TNIK: variants seen among roughly 807,000 people sequenced by gnomAD.
TNIK encodes TRAF2 and NCK-interacting protein kinase.
In TNIK, 49 loss-of-function variants were observed where a neutral mutation model predicts 191.3. The ratio of observed to expected loss-of-function variants is 0.26; its 90% confidence interval spans 0.20 to 0.32. TNIK has a LOEUF of 0.32. TNIK is among the 10% of genes least tolerant of loss of function. The probability of loss-of-function intolerance (pLI) is 1.00; values close to 1 mark genes in which losing one functional copy is unlikely to be tolerated. For missense variants in TNIK, 1,155 were observed against 1,702.3 expected (o/e 0.68, Z 5.66); for synonymous variants, 594 against 600.9 (o/e 0.99, Z 0.17).
At chr3:171,153,066 G>A (rs1293503190) in intron 12 of TNIK, among the ~76,000 whole-genome samples, 2 of 152,078 alleles carry the variant, frequency 1.3e-5, no homozygotes, top group Admixed American at 6.5e-5. Context: ...GAGCCACTGC[G>A]CCCGGCCAAA....
chr3:171,372,012 G>A (rs542297363), intron 1 of TNIK, among the ~76,000 whole-genome samples: 15 of 152,286 alleles, frequency 9.8e-5, no homozygotes, highest in African/African-American at 3.4e-4. Flanking sequence ...GAATCAAACA[G>A]GGATGTGAGA....
rs368930909 is a variant in TNIK, at chr3:171,175,390, G to A, written c.695-60C>T. 8.5e-5 allele frequency: 124 copies of A among 1,464,618 alleles called. 1 individual carries two copies. The highest frequency in any genetic ancestry group is 7.5e-4 in the East Asian group (31 of 41,376). The allele number at this position is 1,464,618 out of a possible 1,614,324, so 90.7% of individuals were successfully genotyped here. A position where few individuals can be genotyped will look rare whatever the true frequency, so the allele number is the denominator to read the frequency against. On this transcript the variant is annotated intron_variant, in intron 8 of 32. Transcript: ENST00000436636. Reference sequence around the variant, plus strand: ...AGGAGGCCAAACCCAGGCCAAGCCCGTCTTGGCTGTGCAGATAATGGCTGC... The same window carrying A: ...AGGAGGCCAAACCCAGGCCAAGCCCATCTTGGCTGTGCAGATAATGGCTGC...
chr3:171,093,092 C>A (rs1722270642), intron 23 of TNIK, among the ~76,000 whole-genome samples: 1 of 152,124 alleles, frequency 6.6e-6, no homozygotes, highest in South Asian at 2.1e-4. Context: ...TGTTCTCAGC[C>A]ATTTCTTTCC....
intron 18 of TNIK, among the ~76,000 whole-genome samples, chr3:171,121,986 C>T (rs1449922389): frequency 6.6e-6 from 1 of 152,076 alleles, no homozygotes; most frequent in Non-Finnish European, 1.5e-5. Flanking sequence ...CTGTCTCTCA[C>T]AAAGTCAGCA....
rs925030785 is a variant in TNIK, at chr3:171,063,349, C to T, written c.*532G>A. The T allele has an allele frequency of 4.6e-5, 7 of 152,218 alleles. No individual in the cohort carries two copies. The highest frequency in any genetic ancestry group is 9.6e-5 in the African/African-American group (4 of 41,466). The allele number at this position is 152,218 out of a possible 1,614,324, so 9.4% of individuals were successfully genotyped here. A position where few individuals can be genotyped will look rare whatever the true frequency, so the allele number is the denominator to read the frequency against. On this transcript the variant is annotated 3_prime_UTR_variant, in exon 33 of 33. Transcript: ENST00000436636. ...TGAAGGCAAGAGAGTTCTTAAATTA[C>T]TCCACTATGTAGTTATGGCCTTCAG...
At chr3:171,087,616 G>A in intron 23 of TNIK, 110 bp from the exon 24 acceptor site, 2 of 1,135,994 alleles carry the variant, frequency 1.8e-6, no homozygotes, top group Non-Finnish European at 2.5e-6. Context: ...AACCCACTAG[G>A]GCATGAGAAG....
intron 18 of TNIK, among the ~76,000 whole-genome samples, chr3:171,113,237 ATTATC>A (rs1726129911): frequency 6.6e-6 from 1 of 151,606 alleles, no homozygotes; most frequent in East Asian, 1.9e-4. Context: ...ATTTTTTTTT[ATTATC>A]TTCTTGCAGG....
At chr3:171,441,439 A>T (rs573222724) in intron 1 of TNIK, among the ~76,000 whole-genome samples, 1 of 152,332 alleles carries the variant, frequency 6.6e-6, no homozygotes, top group African/African-American at 2.4e-5. Flanking sequence ...TCTTTCACTT[A>T]GCATAACATT....
chr3:171,315,037 A>C (rs916603374), intron 2 of TNIK, among the ~76,000 whole-genome samples: 2 of 151,664 alleles, frequency 1.3e-5, no homozygotes, highest in African/African-American at 2.4e-5. Context: ...ACAACCACAA[A>C]CCCCCCCTCC....
At chr3:171,251,649 ATACT>A (rs1746238884) in intron 2 of TNIK, among the ~76,000 whole-genome samples, 1 of 152,200 alleles carries the variant, frequency 6.6e-6, no homozygotes, top group African/African-American at 2.4e-5. Context: ...ACACTATTTG[ATACT>A]TAATATAAAT....
At chr3:171,110,633 C>G in intron 19 of TNIK, 81 bp downstream of exon 19, 13 of 1,475,120 alleles carry the variant, frequency 8.8e-6, no homozygotes, top group Non-Finnish European at 1.2e-5. Flanking sequence ...GGACTAGAGT[C>G]AGGAAGTAAC....
intron 2 of TNIK, among the ~76,000 whole-genome samples, chr3:171,240,087 A>G (rs973240348): frequency 1.3e-5 from 2 of 152,190 alleles, no homozygotes; most frequent in African/African-American, 4.8e-5. Context: ...ACTGTGACCT[A>G]TCAGGTAGCT....
chr3:171,296,025 A>G (rs887456194), intron 2 of TNIK, among the ~76,000 whole-genome samples: 2 of 152,178 alleles, frequency 1.3e-5, no homozygotes, highest in Admixed American at 1.3e-4. Context: ...GTTCTGTTCT[A>G]TGTACTCTAA....
At chr3:171,384,616 A>G (rs1718485217) in intron 1 of TNIK, among the ~76,000 whole-genome samples, 1 of 152,240 alleles carries the variant, frequency 6.6e-6, no homozygotes, top group Non-Finnish European at 1.5e-5. Flanking sequence ...CTCTCACTAA[A>G]TGAGGAAATG....
At chr3:171,310,066 C>T (rs1753853807) in intron 2 of TNIK, among the ~76,000 whole-genome samples, 1 of 152,112 alleles carries the variant, frequency 6.6e-6, no homozygotes, top group Admixed American at 6.6e-5. Flanking sequence ...ATGTTAGTTA[C>T]CACCTTTACT....
intron 1 of TNIK, among the ~76,000 whole-genome samples, chr3:171,439,982 C>T (rs1160580119): frequency 6.6e-6 from 1 of 152,190 alleles, no homozygotes; most frequent in Non-Finnish European, 1.5e-5. Flanking sequence ...CATTACTCAA[C>T]CTCACTGTGG....
chr3:171,180,872 T>G (rs1257461175), intron 7 of TNIK, among the ~76,000 whole-genome samples: 8 of 152,248 alleles, frequency 5.3e-5, no homozygotes, highest in African/African-American at 1.7e-4. Flanking sequence ...TTCAGATTCC[T>G]ACTTTGTCCA....
At chr3:171,374,027 A>G (rs1401195937) in intron 1 of TNIK, among the ~76,000 whole-genome samples, 1 of 152,196 alleles carries the variant, frequency 6.6e-6, no homozygotes, top group Non-Finnish European at 1.5e-5. Context: ...TATTTCCAGC[A>G]CTTAGCATGC....
At chr3:171,240,269 G>T (rs1181711885) in intron 2 of TNIK, among the ~76,000 whole-genome samples, 3 of 152,152 alleles carry the variant, frequency 2.0e-5, no homozygotes, top group Non-Finnish European at 4.4e-5. Flanking sequence ...CATAGTCTAG[G>T]AGAGAATTGA....
Sources: allele counts gnomAD v4.1 joint callset (sites outside exome capture counted in the v4.1 genomes callset), GRCh38; gene constraint gnomAD v4.1.1; transcripts MANE v1.5; gene names NCBI Gene and HGNC (gene_info 2026-07-23, HGNC 2026-07-21).